Variants in CDK8 observed in about 807,000 individuals in gnomAD.
CDK8 encodes cyclin-dependent kinase 8.
In CDK8, 29 loss-of-function variants were observed where a neutral mutation model predicts 71.5. That is an observed-to-expected ratio of 0.41 (90% CI 0.30 to 0.55). The LOEUF is 0.55. CDK8 is among the 20% of genes least tolerant of loss of function. The pLI is 0.37. For missense variants in CDK8, 288 were observed against 572.6 expected, an observed-to-expected ratio of 0.50 and a Z score of 5.07; for synonymous variants, 161 against 192.1, an observed-to-expected ratio of 0.84 and a Z score of 1.34.
At chr13:26,283,837 G>T (rs1252378683) in intron 1 of CDK8, among the ~76,000 whole-genome samples, 2 of 151,204 alleles carry the variant, frequency 1.3e-5, no homozygotes, top group Non-Finnish European at 2.9e-5. Flanking sequence ...GGTGGAGGTT[G>T]CAGTGAGCCG....
chr13:26,333,039 C>A (rs977138150), intron 1 of CDK8, among the ~76,000 whole-genome samples: 1 of 152,170 alleles, frequency 6.6e-6, no homozygotes, highest in African/African-American at 2.4e-5. Context: ...GCATAACACA[C>A]CGTTGATTCT....
chr13:26,400,217 G>T, intron 9 of CDK8: 1 of 441,142 alleles, frequency 2.3e-6, no homozygotes, highest in African/African-American at 2.0e-5. Context: ...GGATCCATTT[G>T]TTTAGTCAGA....
chr13:26,308,609 C>T (rs1297709738), intron 1 of CDK8, among the ~76,000 whole-genome samples: 1 of 152,234 alleles, frequency 6.6e-6, no homozygotes, highest in Non-Finnish European at 1.5e-5. Flanking sequence ...CCTTCCTGAT[C>T]TTGGTAGATA....
intron 2 of CDK8, among the ~76,000 whole-genome samples, chr13:26,342,192 C>T (rs990547206): frequency 3.9e-5 from 6 of 152,218 alleles, no homozygotes; most frequent in Non-Finnish European, 8.8e-5. Flanking sequence ...GGATTACAGG[C>T]GGCAGCCACC....
intron 4 of CDK8, among the ~76,000 whole-genome samples, chr13:26,358,646 C>T (rs994929654): frequency 6.6e-6 from 1 of 152,086 alleles, no homozygotes; most frequent in African/African-American, 2.4e-5. Flanking sequence ...TTGGTATATA[C>T]CCAAAATAAT....
At chr13:26,379,202 G>A (rs979577612) in intron 4 of CDK8, among the ~76,000 whole-genome samples, 28 of 152,176 alleles carry the variant, frequency 1.8e-4, no homozygotes, top group Non-Finnish European at 4.1e-4. Flanking sequence ...TAAGACCATT[G>A]TCTTTTGTTT....
At chr13:26,362,036 A>G (rs951341968) in intron 4 of CDK8, among the ~76,000 whole-genome samples, 1 of 151,976 alleles carries the variant, frequency 6.6e-6, no homozygotes, top group African/African-American at 2.4e-5. Flanking sequence ...TTTATACTAA[A>G]TCAACATCTA....
chr13:26,375,792 A>T (rs1874918509), intron 4 of CDK8, among the ~76,000 whole-genome samples: 1 of 152,230 alleles, frequency 6.6e-6, no homozygotes, highest in Non-Finnish European at 1.5e-5. Flanking sequence ...ATACTATTAC[A>T]TTTAAAAAGT....
chr13:26,356,481 G>T (rs9581649), intron 4 of CDK8, among the ~76,000 whole-genome samples: 5,378 of 152,152 alleles, frequency 0.035, 307 homozygotes, highest in African/African-American at 0.12. Context: ...TCTCACGCAC[G>T]CAGAAGTCCA....
Position 26,389,017 on chromosome 13 carries a change from G to A in CDK8, c.646+3675G>A, listed in dbSNP as rs115412231. On this transcript the variant is annotated intron_variant, in intron 6 of 12. Coordinates refer to ENST00000381527, the MANE Select transcript of CDK8 (RefSeq NM_001260.3). The stretch of plus-strand genomic sequence containing the variant: ...ATTTAGTCATCTTTGAACAACGGAA[G>A]TAACAAAGACTACCAGCCGAAGTTG... Among the ~76,000 whole-genome samples the A allele has an allele frequency of 5.2e-3, 787 of 152,316 alleles. 4 individuals carry two copies. The highest frequency in any genetic ancestry group is 0.018 in the African/African-American group (760 of 41,572).
chr13:26,299,273 A>G (rs1003641256), intron 1 of CDK8, among the ~76,000 whole-genome samples: 2 of 152,230 alleles, frequency 1.3e-5, no homozygotes, highest in Non-Finnish European at 2.9e-5. Flanking sequence ...TCAGTTTTAT[A>G]TATACAGTTA....
At chr13:26,385,188 A>ATT in intron 5 of CDK8, 23 bp from the exon 6 acceptor site, 6 of 1,442,988 alleles carry the variant, frequency 4.2e-6, no homozygotes, top group African/African-American at 2.9e-5. Flanking sequence ...ACTTAGCATG[A>ATT]TTTTTTTTTT....
At chr13:26,315,016 C>T (rs1297930313) in intron 1 of CDK8, among the ~76,000 whole-genome samples, 1 of 151,654 alleles carries the variant, frequency 6.6e-6, no homozygotes, top group Non-Finnish European at 1.5e-5. Flanking sequence ...TTGATTTATC[C>T]CTGTTTTTAT....
At chr13:26,283,901 A>G (rs1044693706) in intron 1 of CDK8, among the ~76,000 whole-genome samples, 13 of 151,878 alleles carry the variant, frequency 8.6e-5, no homozygotes, top group Non-Finnish European at 1.6e-4. Flanking sequence ...CATCTCAAAA[A>G]AAAAAAAAAA....
chr13:26,361,613 G>A (rs1874139364), intron 4 of CDK8, among the ~76,000 whole-genome samples: 1 of 151,994 alleles, frequency 6.6e-6, no homozygotes, highest in Non-Finnish European at 1.5e-5. Context: ...GGTACTGGAA[G>A]TACAGTTTTT....
intron 1 of CDK8, among the ~76,000 whole-genome samples, chr13:26,261,202 T>C (rs1366206809): frequency 1.3e-5 from 2 of 152,224 alleles, no homozygotes; most frequent in East Asian, 3.8e-4. Flanking sequence ...ATTGTCAAAG[T>C]CCCAAAACCA....
chr13:26,318,907 C>CAAGG (rs1418874140), intron 1 of CDK8, among the ~76,000 whole-genome samples: 1 of 152,122 alleles, frequency 6.6e-6, no homozygotes, highest in Non-Finnish European at 1.5e-5. Flanking sequence ...AGGAACAAGG[C>CAAGG]AAGGATGCCA....
chr13:26,398,576 C>CTT (rs1876099878), intron 9 of CDK8, among the ~76,000 whole-genome samples: 1 of 152,150 alleles, frequency 6.6e-6, no homozygotes, highest in African/African-American at 2.4e-5. Flanking sequence ...AAATTCAGGC[C>CTT]TTTCCTTTCA....
At chr13:26,403,670 T>C in intron 12 of CDK8, among the ~76,000 whole-genome samples, 1 of 152,128 alleles carries the variant, frequency 6.6e-6, no homozygotes, top group East Asian at 1.9e-4. Flanking sequence ...ACCAAGTAGA[T>C]ACAAAACAGC....
Sources: gnomAD v4.1 joint callset for allele counts (sites outside exome capture counted in the v4.1 genomes callset) on GRCh38, gnomAD v4.1.1 for gene constraint, MANE v1.5 for transcripts, NCBI Gene and HGNC (gene_info 2026-07-23, HGNC 2026-07-21) for gene names.